PRKAG2: variants seen among roughly 807,000 people sequenced by gnomAD.
The protein encoded by PRKAG2 is protein kinase AMP-activated non-catalytic subunit gamma 2.
In PRKAG2, 26 loss-of-function variants were observed where a neutral mutation model predicts 69.6. That is an observed-to-expected ratio of 0.37 (90% CI 0.27 to 0.52). The LOEUF is 0.52. PRKAG2 is among the 20% of genes least tolerant of loss of function. The pLI is 0.90. For missense variants in PRKAG2, 557 were observed against 740.0 expected, an observed-to-expected ratio of 0.75 and a Z score of 2.87; for synonymous variants, 293 against 285.0, an observed-to-expected ratio of 1.03 and a Z score of -0.28.
At chr7:151,576,600 A>C in intron 6 of PRKAG2, 148 bp from the exon 7 acceptor site, 2 of 697,558 alleles carry the variant, frequency 2.9e-6, no homozygotes, top group South Asian at 3.4e-5. Flanking sequence ...TCCTGGGCTC[A>C]ATTGATTCTC....
intron 6 of PRKAG2, among the ~76,000 whole-genome samples, chr7:151,595,049 C>T (rs1387915798): frequency 1.3e-5 from 2 of 152,180 alleles, no homozygotes; most frequent in African/African-American, 2.4e-5. Context: ...CTGCCAGCCT[C>T]GGCCTCCCAA....
chr7:151,722,019 T>C (rs1424230807), intron 3 of PRKAG2, among the ~76,000 whole-genome samples: 1 of 152,210 alleles, frequency 6.6e-6, no homozygotes, highest in Non-Finnish European at 1.5e-5. Flanking sequence ...AGCGTGGCTG[T>C]GGCATTCTGT....
chr7:151,671,457 A>G (rs559695986), intron 4 of PRKAG2, among the ~76,000 whole-genome samples: 1 of 152,248 alleles, frequency 6.6e-6, no homozygotes. Context: ...AACTTAGCAC[A>G]TAAAGATACT....
At chr7:151,571,350 G>A (rs1807525419) in intron 9 of PRKAG2, among the ~76,000 whole-genome samples, 1 of 152,148 alleles carries the variant, frequency 6.6e-6, no homozygotes, top group East Asian at 1.9e-4. Flanking sequence ...TGGGATTATA[G>A]GCGTGAGCTA....
At chr7:151,565,619 G>C (rs751773986) in intron 12 of PRKAG2, 101 bp downstream of exon 12, 6 of 1,493,758 alleles carry the variant, frequency 4.0e-6, no homozygotes, top group Non-Finnish European at 5.6e-6. Context: ...CCATACCCAA[G>C]TTTTCATTTT....
At chr7:151,637,110 G>A (rs766024072) in intron 4 of PRKAG2, among the ~76,000 whole-genome samples, 3 of 152,172 alleles carry the variant, frequency 2.0e-5, no homozygotes, top group Non-Finnish European at 4.4e-5. Context: ...CTCCTGTACT[G>A]TTTAGTTTTG....
chr7:151,561,984 C>T (rs1307837121), intron 14 of PRKAG2, among the ~76,000 whole-genome samples: 8 of 145,898 alleles, frequency 5.5e-5, no homozygotes, highest in Non-Finnish European at 9.0e-5. Flanking sequence ...CGGTGGCTCA[C>T]GCCTGTAATC....
chr7:151,832,610 A>C (rs892295303), intron 1 of PRKAG2, among the ~76,000 whole-genome samples: 57 of 126,066 alleles, frequency 4.5e-4, no homozygotes, highest in East Asian at 3.8e-3. Context: ...GGGGGGTCCC[A>C]GCACAGCCCA....
chr7:151,616,540 C>A (rs1313143392), intron 5 of PRKAG2, among the ~76,000 whole-genome samples: 1 of 152,234 alleles, frequency 6.6e-6, no homozygotes, highest in East Asian at 1.9e-4. Flanking sequence ...CTGAGAGAAT[C>A]CACAGACCCT....
chr7:151,819,162 G>A (rs1563727049), intron 1 of PRKAG2, among the ~76,000 whole-genome samples: 3 of 152,244 alleles, frequency 2.0e-5, no homozygotes, highest in South Asian at 2.1e-4. Context: ...TGACCTGGAC[G>A]CTATTGGTCT....
chr7:151,596,625 T>C (rs997241491), intron 5 of PRKAG2, among the ~76,000 whole-genome samples: 1 of 152,172 alleles, frequency 6.6e-6, no homozygotes, highest in Non-Finnish European at 1.5e-5. Flanking sequence ...GGCACAGGCC[T>C]GTAATCCCAG....
At chr7:151,787,567 T>C (rs1318075026) in intron 1 of PRKAG2, among the ~76,000 whole-genome samples, 1 of 152,194 alleles carries the variant, frequency 6.6e-6, no homozygotes, top group Non-Finnish European at 1.5e-5. Context: ...TATTCCATTG[T>C]ATGAGTAGAC....
intron 4 of PRKAG2, among the ~76,000 whole-genome samples, chr7:151,669,132 T>C (rs767885013): frequency 2.0e-5 from 3 of 152,034 alleles, no homozygotes; most frequent in Non-Finnish European, 4.4e-5. Flanking sequence ...AATCTTTAAT[T>C]TCTCCCTGCA....
chr7:151,600,245 TC>T (rs1352516405), intron 5 of PRKAG2, among the ~76,000 whole-genome samples: 1 of 152,152 alleles, frequency 6.6e-6, no homozygotes, highest in African/African-American at 2.4e-5. Flanking sequence ...CCTTGACAGC[TC>T]CATTCAGCCC....
intron 4 of PRKAG2, among the ~76,000 whole-genome samples, chr7:151,673,379 C>T (rs191840381): frequency 4.0e-4 from 61 of 152,258 alleles, no homozygotes; most frequent in Non-Finnish European, 7.1e-4. Context: ...CAGCAGGTGA[C>T]GTGCCTTGAA....
At chr7:151,841,445 T>A (rs897053412) in intron 1 of PRKAG2, among the ~76,000 whole-genome samples, 3 of 137,486 alleles carry the variant, frequency 2.2e-5, no homozygotes, top group Non-Finnish European at 4.8e-5. Flanking sequence ...TGATAGTAGG[T>A]AGGGATGGTA....
intron 1 of PRKAG2, among the ~76,000 whole-genome samples, chr7:151,825,706 C>A (rs373072024): frequency 2.0e-5 from 3 of 152,228 alleles, no homozygotes; most frequent in East Asian, 3.8e-4. Context: ...AGGCCCACAT[C>A]TCCTTTCACG....
rs2078171275 is a variant in PRKAG2, at chr7:151,807,472, C to T, written c.115-20931G>A. On this transcript the variant is annotated intron_variant, in intron 1 of 15. Coordinates refer to ENST00000287878, the MANE Select transcript of PRKAG2 (RefSeq NM_016203.4). This position sits in a 1 kb window ranked among gnomAD's most constrained non-coding sequence, Gnocchi z 4.4. ...AATTGGCCTCTTGGTGCCAAAGCACCATGGCGTGTTACACCTATCAGATCG... is the reference window on the plus strand; with the variant it reads ...AATTGGCCTCTTGGTGCCAAAGCACTATGGCGTGTTACACCTATCAGATCG... 1 of 457,870 alleles carries T rather than the reference C, an allele frequency of 2.2e-6. No individual in the cohort carries two copies. Among genetic ancestry groups the T allele is most frequent in the Non-Finnish European group, 4.4e-6 (1 of 226,990 alleles). The allele number at this position is 457,870 out of a possible 1,614,324, so 28.4% of individuals were successfully genotyped here.
Position 151,750,542 on chromosome 7 carries a change from A to G in PRKAG2, c.466+30610T>C, listed in dbSNP as rs528493846. Among the ~76,000 whole-genome samples, 3 of 152,352 alleles carry G rather than the reference A, an allele frequency of 2.0e-5. 1 individual carries two copies. The Middle Eastern group carries it at 0.01, about 518-fold the overall frequency. ...GGGGTTCTGTTTCTGTGAGATATGC[A>G]GAATAGGCAAGTCCAGAAAGGCAGA... is the stretch of plus-strand genomic sequence containing the variant. On this transcript the variant is annotated intron_variant, in intron 3 of 15. Transcript: ENST00000287878.
Sources: gnomAD v4.1 joint callset for allele counts (sites outside exome capture counted in the v4.1 genomes callset) on GRCh38, gnomAD v4.1.1 for gene constraint, Gnocchi (gnomAD v3.1) non-coding constraint, MANE v1.5 for transcripts, NCBI Gene and HGNC (gene_info 2026-07-23, HGNC 2026-07-21) for gene names.